SZT2: variants seen among roughly 807,000 people sequenced by gnomAD.
SZT2 encodes SZT2 subunit of KICSTOR complex.
In SZT2, 216 loss-of-function variants were observed where a neutral mutation model predicts 404.2. The observed-to-expected ratio is 0.53, with a 90% confidence interval of 0.48 to 0.60. SZT2 has a LOEUF of 0.60. Among genes scored for constraint, SZT2 ranks in the 20% least tolerant of loss-of-function variants. SZT2 has a pLI of 0.00. For missense variants in SZT2, 3,857 were observed against 4,459.2 expected (o/e 0.86, Z 3.85); for synonymous variants, 1,693 against 1,749.9 (o/e 0.97, Z 0.81).
Position 43,430,667 on chromosome 1 carries a change from C to T in SZT2, c.4652C>T (p.Ser1551Leu). Residue 1551 changes from serine (S) to leucine (L), a missense_variant, in exon 32 of 72, where the codon TCA becomes TTA. Coordinates refer to ENST00000634258, the MANE Select transcript of SZT2 (RefSeq NM_001365999.1). ...EDSFSILGGD[S>L]PTGPESFLHD... The stretch of plus-strand genomic sequence containing the variant: ...TCCTTCAGTATCTTGGGGGGCGACT[C>T]ACCCACTGGGCCTGAGAGCTTCCTT... 5 of 1,614,144 alleles carry T rather than the reference C, an allele frequency of 3.1e-6. No individual in the cohort carries two copies. Among genetic ancestry groups the T allele is most frequent in the Non-Finnish European group, 4.2e-6 (5 of 1,180,032 alleles).
Position 43,451,360 on chromosome 1 carries a change from G to A in SZT2, c.*880G>A. 1 of 1,612,228 alleles carries A rather than the reference G, an allele frequency of 6.2e-7. No individual in the cohort carries two copies. The highest frequency in any genetic ancestry group is 8.5e-7 in the Non-Finnish European group (1 of 1,179,992). On this transcript the variant is annotated 3_prime_UTR_variant, in exon 72 of 72. Transcript: ENST00000634258. ...CACCTCAGCCCACAAGGAGAAAACA[G>A]CCCCTGTCCGGGTCCCTCCAGAGCT...
At position 43,424,818 on chromosome 1, in the gene SZT2, A is replaced by G. The variant is rs1384754318; in HGVS notation, c.2506A>G (p.Ser836Gly). 1.9e-6 allele frequency: 3 copies of G among 1,613,906 alleles called. No individual in the cohort carries two copies. Among genetic ancestry groups the G allele is most frequent in the African/African-American group, 1.3e-5 (1 of 74,900 alleles). The stretch of plus-strand genomic sequence containing the variant: ...TTCTGAAGGATTCCACTTCGCCTGC[A>G]GTGGGGAAGGAATCATCAACATGGT... The part of the protein sequence containing the change: ...RLSEGFHFAC[S>G]GEGIINMVLE... Residue 836 changes from serine to glycine, a missense_variant, in exon 17 of 72, where the codon AGT becomes GGT. Around this residue, in one of 7 missense-constraint regions of SZT2, gnomAD observed 1,725 missense variants for 1,881.0 expected, o/e 0.92. Coordinates refer to ENST00000634258, the MANE Select transcript of SZT2 (RefSeq NM_001365999.1). This position sits in a 1 kb window ranked among gnomAD's most constrained non-coding sequence, Gnocchi z 4.1.
At chr1:43,422,940 C>G in intron 14 of SZT2, 57 bp downstream of exon 14, 3 of 1,517,996 alleles carry the variant, frequency 2.0e-6, no homozygotes, top group South Asian at 2.4e-5. Context: ...GGATAGCTCC[C>G]TCTCCCCAAA....
In SZT2 at chr1:43,426,477, G is replaced by C; in HGVS notation, c.3153G>C (p.Leu1051=). 6.3e-7 allele frequency: 1 copy of C among 1,596,688 alleles called. No individual in the cohort carries two copies. The highest frequency in any genetic ancestry group is 1.7e-4 in the Middle Eastern group (1 of 6,058). The change falls in exon 22 of 72, where the codon CTG becomes CTC. Residue 1051 remains leucine (L), a synonymous_variant. Coordinates refer to ENST00000634258, the MANE Select transcript of SZT2 (RefSeq NM_001365999.1). The surrounding 1 kb of genome is among the most constrained non-coding windows in gnomAD (Gnocchi z 4.9). ...GQELSDREIP[L]TPVDQAAFLS... is the part of the protein sequence containing the mutation. The stretch of plus-strand genomic sequence containing the variant: ...AGCTGAGTGACCGGGAGATCCCACT[G>C]ACCCCCGTTGACCAGGCTGCCTTCT...
Position 43,421,180 on chromosome 1 carries a change from C to G in SZT2, c.1503C>G (p.Asn501Lys). ...CCTGGCCCTTATTCTACAGCATCAA[C>G]CAGACAGACCAGATGCTTGCCCACC... is the stretch of plus-strand genomic sequence containing the variant. ...RRFWNTLQSI[N>K]QTDQMLAHLQ... The change falls in exon 11 of 72, where the codon AAC becomes AAG. Residue 501 changes from asparagine (N) to lysine (K), a missense_variant. This residue lies in a region of SZT2 where 39 missense variants were observed against 89.7 expected (regional missense o/e 0.43). Transcript: ENST00000634258. 2 of 1,598,374 alleles carry G rather than the reference C, an allele frequency of 1.3e-6. No individual in the cohort carries two copies. The highest frequency in any genetic ancestry group is 1.7e-6 in the Non-Finnish European group (2 of 1,179,762).
chr1:43,453,530 G>C lies in SZT2; in HGVS notation c.*3050G>C, dbSNP rs377083938. The C allele has an allele frequency of 6.5e-7, 1 of 1,531,126 alleles. No individual in the cohort carries two copies. Among genetic ancestry groups the C allele is most frequent in the Non-Finnish European group, 8.8e-7 (1 of 1,135,540 alleles). The allele number at this position is 1,531,126 out of a possible 1,614,324, so 94.8% of individuals were successfully genotyped here. ...GAGAACGGGCCTCAGCCCCCGGCTC[G>C]GACACTCCCCTGCCCGCGCCCCGGC... On this transcript the variant is annotated 3_prime_UTR_variant, in exon 72 of 72. Coordinates refer to ENST00000634258, the MANE Select transcript of SZT2 (RefSeq NM_001365999.1).
Position 43,443,071 on chromosome 1 carries a change from A to T in SZT2, c.8404A>T (p.Met2802Leu). Reference protein sequence around the residue: ...YHGQQFLEIKMAERRELERQM... With the variant: ...YHGQQFLEIKLAERRELERQM... ...TGGACAACAGTTCCTAGAGATCAAGATGGCAGAGCGCAGAGGTGAGGGTAC... is the reference window on the plus strand; with the variant it reads ...TGGACAACAGTTCCTAGAGATCAAGTTGGCAGAGCGCAGAGGTGAGGGTAC... Residue 2802 changes from methionine (M) to leucine (L), a missense_variant, in exon 59 of 72, where the codon ATG becomes TTG. Physicochemically the swap from Met to Leu is conservative, Grantham distance 15 (BLOSUM62 2). Coordinates refer to ENST00000634258, the MANE Select transcript of SZT2 (RefSeq NM_001365999.1). 1 of 1,611,958 alleles carries T rather than the reference A, an allele frequency of 6.2e-7. No individual in the cohort carries two copies. Among genetic ancestry groups the T allele is most frequent in the Non-Finnish European group, 8.5e-7 (1 of 1,178,450 alleles).
rs372242554 is a variant in SZT2 at position 43,422,615 on chromosome 1, T to C, written c.1905T>C (p.Tyr635=). 17 of 1,595,410 alleles carry C rather than the reference T, an allele frequency of 1.1e-5. No homozygotes were observed. The highest frequency in any genetic ancestry group is 6.7e-5 in the Admixed American group (4 of 59,746). The change falls in exon 13 of 72, where the codon TAT becomes TAC. Residue 635 remains tyrosine (Y), a synonymous_variant. Coordinates refer to ENST00000634258, the MANE Select transcript of SZT2 (RefSeq NM_001365999.1). ...SSFVLVEGYS[Y]VKLLSSAPDQ... ...TCGTACTAGTCGAGGGCTATTCTTA[T>C]GTTAAGCTGCTCTCCAGGTGGGCAA...
Position 43,442,391 on chromosome 1 carries a change from G to A in SZT2, c.7974+23G>A. On this transcript the variant is annotated intron_variant, in intron 57 of 71. Transcript: ENST00000634258. This position sits in a 1 kb window ranked among gnomAD's most constrained non-coding sequence, Gnocchi z 4.5. ...AAGGTAAATATGGGGCCAGGGACTG[G>A]GTGGGAAGAGGGGTTCCGTGATCTC... 1 of 1,613,100 alleles carries A rather than the reference G, an allele frequency of 6.2e-7. No individual in the cohort carries two copies. Among genetic ancestry groups the A allele is most frequent in the Non-Finnish European group, 8.5e-7 (1 of 1,179,452 alleles).
chr1:43,403,105 G>A, intron 1 of SZT2, 72 bp from the exon 2 acceptor site: 1 of 1,535,958 alleles, frequency 6.5e-7, no homozygotes, highest in Non-Finnish European at 8.9e-7. Flanking sequence ...CAAATTATTT[G>A]GACAGTGATC....
intron 52 of SZT2, 64 bp downstream of exon 52, chr1:43,440,650 TC>T: frequency 6.8e-7 from 1 of 1,472,422 alleles, no homozygotes. Flanking sequence ...CCTCCCACAC[TC>T]CCTCCTGCTT....
intron 1 of SZT2, among the ~76,000 whole-genome samples, chr1:43,398,849 A>G (rs977590753): frequency 1.3e-5 from 2 of 152,142 alleles, no homozygotes; most frequent in African/African-American, 2.4e-5. Context: ...TGGGAGGTGG[A>G]GGCGGGCAGA....
chr1:43,431,862 T>C lies in SZT2; in HGVS notation c.5235T>C (p.Phe1745=), dbSNP rs371214188. ...TTCGCCAAACTCTGCCACTGAGTTT[T>C]GTATTTGGGCCAGAGCGTTCCCTCA... ...TCLRQTLPLS[F]VFGPERSLTQ... is the part of the protein sequence containing the mutation. The change falls in exon 36 of 72, where the codon TTT becomes TTC. Residue 1745 remains phenylalanine (F), a synonymous_variant. Transcript: ENST00000634258. 6.2e-7 allele frequency: 1 copy of C among 1,614,222 alleles called. No individual in the cohort carries two copies. Among genetic ancestry groups the C allele is most frequent in the Non-Finnish European group, 8.5e-7 (1 of 1,180,036 alleles).
Position 43,448,113 on chromosome 1 carries a change from G to C in SZT2, c.9598G>C (p.Glu3200Gln). 2 of 1,599,682 alleles carry C rather than the reference G, an allele frequency of 1.3e-6. No homozygotes were observed. The highest frequency in any genetic ancestry group is 1.7e-6 in the Non-Finnish European group (2 of 1,170,398). The change falls in exon 69 of 72, where the codon GAG (glutamate) becomes CAG (glutamine). Residue 3200 changes from glutamate to glutamine, a missense_variant. Around this residue, in one of 7 missense-constraint regions of SZT2, gnomAD observed 717 missense variants for 868.2 expected, o/e 0.83. Transcript: ENST00000634258. The surrounding 1 kb of genome is among the most constrained non-coding windows in gnomAD (Gnocchi z 4.2). ...CTTCGTGGTGCTCACCAGCCAGCGA[G>C]AGCTCTTCCCCAGGCTCACTGCTGA... ...QFFVVLTSQR[E>Q]LFPRLTADMR...
chr1:43,417,528 G>A (rs139955697), intron 7 of SZT2, among the ~76,000 whole-genome samples: 1 of 152,298 alleles, frequency 6.6e-6, no homozygotes, highest in African/African-American at 2.4e-5. Flanking sequence ...CATCACCTTT[G>A]GAGTTAGGCA....
At position 43,453,192 on chromosome 1, in the gene SZT2, A is replaced by C; in HGVS notation, c.*2712A>C. On this transcript the variant is annotated 3_prime_UTR_variant, in exon 72 of 72. Coordinates refer to ENST00000634258, the MANE Select transcript of SZT2 (RefSeq NM_001365999.1). ...CATGGGATCCCAGCATGGGGTGAGC[A>C]TGAAAGAGTGGCAAACAGAGTGGCA... is the stretch of plus-strand genomic sequence containing the variant. The C allele has an allele frequency of 1.6e-6, 1 of 642,518 alleles. No homozygotes were observed. The highest frequency in any genetic ancestry group is 1.9e-5 in the South Asian group (1 of 53,998). The allele number at this position is 642,518 out of a possible 1,614,324, so 39.8% of individuals were successfully genotyped here. A position where few individuals can be genotyped will look rare whatever the true frequency, so the allele number is the denominator to read the frequency against.
chr1:43,441,618 C>A lies in SZT2; in HGVS notation c.7609+17C>A. 1.2e-6 allele frequency: 2 copies of A among 1,613,970 alleles called. No homozygotes were observed. ...TTCAGATTGGTGAGACCCCAGCCTCCCCTCCCATCCCTCAACCCCAGCCTG... is the reference window on the plus strand; with the variant it reads ...TTCAGATTGGTGAGACCCCAGCCTCACCTCCCATCCCTCAACCCCAGCCTG... On this transcript the variant is annotated intron_variant, in intron 54 of 71. Transcript: ENST00000634258. The surrounding 1 kb of genome is among the most constrained non-coding windows in gnomAD (Gnocchi z 4.8).
chr1:43,432,006 AT>A (rs1653951576), intron 36 of SZT2, 105 bp downstream of exon 36: 1 of 1,372,514 alleles, frequency 7.3e-7, no homozygotes, highest in Non-Finnish European at 1.0e-6. Context: ...TCATAGAGTT[AT>A]CCCTCCTGTC....
At position 43,453,850 on chromosome 1, in the gene SZT2, G is replaced by GCGGCGGA. The variant is rs1656750153; in HGVS notation, c.*3376_*3377insACGGCGG. 5 of 1,231,292 alleles carry GCGGCGGA rather than the reference G, an allele frequency of 4.1e-6. No homozygotes were observed. Among genetic ancestry groups the GCGGCGGA allele is most frequent in the Admixed American group, 8.7e-5 (2 of 23,112 alleles). 76.3% of individuals were successfully genotyped at this position (1,231,292 alleles called of 1,614,324 possible). ...GGGATCCAAAGGCGGCGGGCGGCGGGCGGCGGGCGGCGGGCGGGGGCGGGG... is the reference window on the plus strand; with the variant it reads ...GGGATCCAAAGGCGGCGGGCGGCGGGCGGCGGACGGCGGGCGGCGGGCGGGGGCGGGG... On this transcript the variant is annotated 3_prime_UTR_variant, in exon 72 of 72. Coordinates refer to ENST00000634258, the MANE Select transcript of SZT2 (RefSeq NM_001365999.1).
Sources: gnomAD v4.1 joint callset for allele counts (sites outside exome capture counted in the v4.1 genomes callset) on GRCh38, gnomAD v4.1.1 for gene constraint, gnomAD v4.1.1 regional missense constraint, Gnocchi (gnomAD v3.1) non-coding constraint, MANE v1.5 for transcripts, NCBI Gene and HGNC (gene_info 2026-07-23, HGNC 2026-07-21) for gene names.